Variants in UBAP1L observed in about 807,000 individuals in gnomAD.
The protein encoded by UBAP1L is ubiquitin-associated protein 1-like.
UBAP1L carries 32 observed loss-of-function variants against 32.1 expected under a neutral mutation model. That is an observed-to-expected ratio of 1.00 (90% CI 0.75 to 1.34). The LOEUF is 1.34. Among genes scored for constraint, UBAP1L ranks in the 40% most tolerant of loss-of-function variants. The probability of loss-of-function intolerance (pLI) is 0.00; values close to 1 mark genes in which losing one functional copy is unlikely to be tolerated. For missense variants in UBAP1L, 516 were observed against 540.5 expected (o/e 0.95, Z 0.45); for synonymous variants, 243 against 250.2 (o/e 0.97, Z 0.27).
intron 1 of UBAP1L, among the ~76,000 whole-genome samples, chr15:65,110,866 A>C (rs1009071330): frequency 2.0e-5 from 3 of 152,100 alleles, no homozygotes; most frequent in African/African-American, 4.8e-5. Context: ...GCTCAACACA[A>C]TCTGTCATCC....
In UBAP1L at chr15:65,102,263, T is replaced by C; in HGVS notation, c.542A>G (p.His181Arg). Residue 181 changes from histidine to arginine, a missense_variant, in exon 3 of 6, where the codon CAC (histidine) becomes CGC (arginine). Coordinates refer to ENST00000559089, the MANE Select transcript of UBAP1L (RefSeq NM_001163692.2). This position sits in a 1 kb window ranked among gnomAD's most constrained non-coding sequence, Gnocchi z 5.0. ...GCTCGGGCACAGGCTCAGCGCGCGG[T>C]GGCCGCGGAGGCCATGCAGGAGGGC... ...PRALLHGLRG[H>R]RALSLCPSPA... is the part of the protein sequence containing the mutation. 1.5e-6 allele frequency: 2 copies of C among 1,313,792 alleles called. No individual in the cohort carries two copies. Among genetic ancestry groups the C allele is most frequent in the Non-Finnish European group, 1.9e-6 (2 of 1,035,678 alleles). 81.4% of individuals were successfully genotyped at this position (1,313,792 alleles called of 1,614,324 possible). A position where few individuals can be genotyped will look rare whatever the true frequency, so the allele number is the denominator to read the frequency against.
At chr15:65,105,658 GA>G in intron 2 of UBAP1L, 1 of 676,960 alleles carries the variant, frequency 1.5e-6, no homozygotes, top group Admixed American at 1.8e-5. Context: ...ATGCATATAT[GA>G]AAAGCCATTA....
intron 1 of UBAP1L, among the ~76,000 whole-genome samples, chr15:65,107,089 G>A (rs1174296586): frequency 2.6e-5 from 4 of 151,964 alleles, no homozygotes; most frequent in Admixed American, 2.6e-4. Context: ...AAGACAGATT[G>A]ACTTAACATC....
rs1325699445 is a variant in UBAP1L, at chr15:65,102,059, C to T, written c.699+47G>A. 1 of 895,090 alleles carries T rather than the reference C, an allele frequency of 1.1e-6. No individual in the cohort carries two copies. The highest frequency in any genetic ancestry group is 1.5e-6 in the Non-Finnish European group (1 of 688,146). The allele number at this position is 895,090 out of a possible 1,614,324, so 55.4% of individuals were successfully genotyped here. On this transcript the variant is annotated intron_variant, in intron 3 of 5. Coordinates refer to ENST00000559089, the MANE Select transcript of UBAP1L (RefSeq NM_001163692.2). The surrounding 1 kb of genome is among the most constrained non-coding windows in gnomAD (Gnocchi z 5.0). The stretch of plus-strand genomic sequence containing the variant: ...TGGGCTGGACACCCAGATTATGGGG[C>T]CTGGGCTGCTGATTGGCGGCCTTGG...
intron 4 of UBAP1L, chr15:65,099,154 T>TGGTC: frequency 3.9e-6 from 1 of 257,868 alleles, no homozygotes; most frequent in Non-Finnish European, 7.6e-6. Flanking sequence ...GTAGACTCTG[T>TGGTC]GATGTTCCAT....
rs1312789931 is a variant in UBAP1L at position 65,102,527 on chromosome 15, G to T, written c.278C>A (p.Thr93Lys). Residue 93 changes from threonine (T) to lysine (K), a missense_variant, in exon 3 of 6, where the codon ACA (threonine) becomes AAA (lysine). Transcript: ENST00000559089. The surrounding 1 kb of genome is among the most constrained non-coding windows in gnomAD (Gnocchi z 5.0). The part of the protein sequence containing the change: ...PEHGLAPAPT[T>K]IRDPEAGHQE... ...GTGTCCGGCCTCCGGGTCTCTGATT[G>T]TGGTGGGCGCAGGCGCCAGCCCATG... The T allele has an allele frequency of 2.0e-6, 3 of 1,497,064 alleles. No homozygotes were observed. The East Asian group carries it at 7.9e-5, about 39-fold the overall frequency. The allele number at this position is 1,497,064 out of a possible 1,614,324, so 92.7% of individuals were successfully genotyped here. A position where few individuals can be genotyped will look rare whatever the true frequency, so the allele number is the denominator to read the frequency against.
chr15:65,102,117 G>C lies in UBAP1L; in HGVS notation c.688C>G (p.Pro230Ala), dbSNP rs1438801740. 125 of 1,205,124 alleles carry C rather than the reference G, an allele frequency of 1.0e-4. No individual in the cohort carries two copies. The highest frequency in any genetic ancestry group is 1.2e-4 in the Non-Finnish European group (121 of 969,058). The allele number at this position is 1,205,124 out of a possible 1,614,324, so 74.7% of individuals were successfully genotyped here. ...GGCAGAATCCTTACCGCGACCGTAG[G>C]CTTGTGGCTCCGCAGCGGGGGGATG... ...GAIPPLRSHK[P>A]TVASLSPYTC... is the part of the protein sequence containing the mutation. The change falls in exon 3 of 6, where the codon CCT becomes GCT. Residue 230 changes from proline to alanine, a missense_variant. Transcript: ENST00000559089. This position sits in a 1 kb window ranked among gnomAD's most constrained non-coding sequence, Gnocchi z 5.0.
chr15:65,108,066 G>A (rs1396620445), intron 1 of UBAP1L, among the ~76,000 whole-genome samples: 3 of 151,804 alleles, frequency 2.0e-5, no homozygotes, highest in African/African-American at 4.8e-5. Flanking sequence ...GCAACACAGT[G>A]GAAGACTTTC....
rs987876299 is a variant in UBAP1L, at chr15:65,094,024, G to A, written c.1011+451C>T. ...ATCGTGCCATTGCACTCCAGCCTGG[G>A]CAATAGAGTGAGACTCAGTCTCAGA... On this transcript the variant is annotated intron_variant, in intron 5 of 5. Coordinates refer to ENST00000559089, the MANE Select transcript of UBAP1L (RefSeq NM_001163692.2). The surrounding 1 kb of genome is among the most constrained non-coding windows in gnomAD (Gnocchi z 4.2). Among the ~76,000 whole-genome samples, 2 of 152,208 alleles carry A rather than the reference G, an allele frequency of 1.3e-5. No homozygotes were observed. Among genetic ancestry groups the A allele is most frequent in the African/African-American group, 4.8e-5 (2 of 41,442 alleles).
At chr15:65,098,203 C>G (rs1033207338) in intron 4 of UBAP1L, 4 of 152,256 alleles carry the variant, frequency 2.6e-5, no homozygotes, top group African/African-American at 9.7e-5. Flanking sequence ...ACCCCCAATT[C>G]TCTTTTTCTC....
At chr15:65,105,051 T>A (rs960990401) in intron 2 of UBAP1L, 1 of 212,698 alleles carries the variant, frequency 4.7e-6, no homozygotes, top group Non-Finnish European at 9.7e-6. Context: ...TGGTGGCACT[T>A]TTCTGCAGTC....
At chr15:65,113,783 G>T (rs2087385270) in intron 1 of UBAP1L, among the ~76,000 whole-genome samples, 1 of 152,070 alleles carries the variant, frequency 6.6e-6, no homozygotes, top group South Asian at 2.1e-4. Context: ...AGAAAAAGCT[G>T]TTCATTCTTC....
At chr15:65,101,940 AG>A (rs997409788) in intron 3 of UBAP1L, among the ~76,000 whole-genome samples, 165 bp downstream of exon 3, 4 of 152,198 alleles carry the variant, frequency 2.6e-5, no homozygotes, top group African/African-American at 9.7e-5. Context: ...CTCTAGTCAA[AG>A]GGCCGCAGGA....
In UBAP1L at chr15:65,093,052, T is replaced by C; in HGVS notation, c.*45A>G. 1 of 1,526,904 alleles carries C rather than the reference T, an allele frequency of 6.5e-7. No individual in the cohort carries two copies. Among genetic ancestry groups the C allele is most frequent in the Non-Finnish European group, 8.8e-7 (1 of 1,140,400 alleles). The allele number at this position is 1,526,904 out of a possible 1,614,324, so 94.6% of individuals were successfully genotyped here. On this transcript the variant is annotated 3_prime_UTR_variant, in exon 6 of 6. Coordinates refer to ENST00000559089, the MANE Select transcript of UBAP1L (RefSeq NM_001163692.2). Reference sequence around the variant, plus strand: ...TACAGTTAGGATGGGTTGCCAGGTCTGGCATTGGGCCTAGATGCCCAGGCA... The same window carrying C: ...TACAGTTAGGATGGGTTGCCAGGTCCGGCATTGGGCCTAGATGCCCAGGCA...
chr15:65,099,585 C>T lies in UBAP1L; in HGVS notation c.829G>A (p.Gly277Arg). 1 of 1,551,638 alleles carries T rather than the reference C, an allele frequency of 6.4e-7. No individual in the cohort carries two copies. The highest frequency in any genetic ancestry group is 8.7e-7 in the Non-Finnish European group (1 of 1,146,984). ...ALSQEEQDLI[G>R]PVVALGYPLR... ...GGATATCCCAGGGCGACCACTGGCC[C>T]AATGAGGTCTTGCTCCTCCTGGCTC... The change falls in exon 4 of 6, where the codon GGG becomes AGG. Residue 277 changes from glycine to arginine, a missense_variant. Physicochemically the swap from Gly to Arg is moderately radical, Grantham distance 125 (BLOSUM62 -2). Transcript: ENST00000559089.
At position 65,102,278 on chromosome 15, in the gene UBAP1L, T is replaced by C. The variant is rs1192709155; in HGVS notation, c.527A>G (p.His176Arg). Residue 176 changes from histidine to arginine, a missense_variant, in exon 3 of 6, where the codon CAT becomes CGT. By Grantham distance (29) the His-to-Arg change is conservative (BLOSUM62 0). Coordinates refer to ENST00000559089, the MANE Select transcript of UBAP1L (RefSeq NM_001163692.2). The surrounding 1 kb of genome is among the most constrained non-coding windows in gnomAD (Gnocchi z 5.0). ...KLVSRPRALL[H>R]GLRGHRALSL... is the part of the protein sequence containing the mutation. ...CAGCGCGCGGTGGCCGCGGAGGCCA[T>C]GCAGGAGGGCGCGGGGCCGGGAGAC... 5.9e-6 allele frequency: 8 copies of C among 1,363,554 alleles called. No individual in the cohort carries two copies. Among genetic ancestry groups the C allele is most frequent in the Non-Finnish European group, 7.5e-6 (8 of 1,066,022 alleles). 84.5% of individuals were successfully genotyped at this position (1,363,554 alleles called of 1,614,324 possible).
intron 1 of UBAP1L, among the ~76,000 whole-genome samples, chr15:65,110,512 A>T (rs1447276414): frequency 8.0e-5 from 12 of 149,590 alleles, no homozygotes; most frequent in Admixed American, 2.7e-4. Flanking sequence ...ACCCCGTCTC[A>T]ACTAAAAATA....
chr15:65,098,390 A>G (rs538355126), intron 4 of UBAP1L: 1 of 152,242 alleles, frequency 6.6e-6, no homozygotes, highest in South Asian at 2.1e-4. Context: ...GTCCTGCTCA[A>G]TGCTTGGTAT....
chr15:65,098,760 T>G (rs2087206207), intron 4 of UBAP1L: 2 of 152,214 alleles, frequency 1.3e-5, no homozygotes, highest in Admixed American at 6.5e-5. Context: ...GCAGGTGAGA[T>G]GAGCAGAAGA....
Sources: gnomAD v4.1 joint callset for allele counts (sites outside exome capture counted in the v4.1 genomes callset) on GRCh38, gnomAD v4.1.1 for gene constraint, Gnocchi (gnomAD v3.1) non-coding constraint, MANE v1.5 for transcripts, NCBI Gene and HGNC (gene_info 2026-07-23, HGNC 2026-07-21) for gene names.